Variants in SYN3 observed in about 807,000 individuals in gnomAD.
SYN3 encodes the protein synapsin-3.
A neutral mutation model predicts 65.8 loss-of-function variants in SYN3; 35 were observed. The observed-to-expected ratio is 0.53, with a 90% CI of 0.41 to 0.70. The LOEUF is 0.70. SYN3 is among the 30% of genes least tolerant of loss of function. The pLI is 0.00. For synonymous variants in SYN3, 270 were observed against 292.9 expected (o/e 0.92, Z 0.80); for missense variants, 680 against 749.0 (o/e 0.91, Z 1.08).
At chr22:32,657,312 ACG>A (rs1356806913) in intron 6 of SYN3, among the ~76,000 whole-genome samples, 7 of 151,938 alleles carry the variant, frequency 4.6e-5, no homozygotes, top group Middle Eastern at 6.8e-3. Context: ...TTTAGTAGAG[ACG>A]GGGTTTCACC....
intron 13 of SYN3, among the ~76,000 whole-genome samples, chr22:32,516,825 G>A (rs1035600290): frequency 4.6e-5 from 7 of 152,022 alleles, no homozygotes; most frequent in African/African-American, 9.7e-5. Context: ...TTGCTTACTC[G>A]TCTGTACAAT....
intron 6 of SYN3, among the ~76,000 whole-genome samples, chr22:32,681,703 A>G (rs2060524786): frequency 6.6e-6 from 1 of 152,212 alleles, no homozygotes; most frequent in African/African-American, 2.4e-5. Flanking sequence ...AACACTTCCT[A>G]TGCACCAGGC....
At chr22:32,697,090 A>C (rs1261692276) in intron 6 of SYN3, among the ~76,000 whole-genome samples, 2 of 152,214 alleles carry the variant, frequency 1.3e-5, no homozygotes, top group Non-Finnish European at 2.9e-5. Flanking sequence ...ATGGACATTA[A>C]GTGGGACTAG....
intron 4 of SYN3, among the ~76,000 whole-genome samples, chr22:32,884,046 C>G (rs565160382): frequency 2.2e-4 from 33 of 152,332 alleles, no homozygotes; most frequent in Middle Eastern, 6.8e-3. Flanking sequence ...CTTATTCTTT[C>G]CCCTGCTAGG....
intron 6 of SYN3, among the ~76,000 whole-genome samples, chr22:32,616,119 G>A (rs2059516520): frequency 6.6e-6 from 1 of 152,212 alleles, no homozygotes; most frequent in Admixed American, 6.5e-5. Context: ...AGGAGCCGGA[G>A]TGACAGCACT....
Position 32,653,788 on chromosome 22 carries a change from A to G in SYN3, c.712-57052T>C, listed in dbSNP as rs143853400. Among the ~76,000 whole-genome samples the G allele has an allele frequency of 1.6e-3, 239 of 152,250 alleles. 1 individual carries two copies. The highest frequency in any genetic ancestry group is 5.5e-3 in the African/African-American group (228 of 41,548). On this transcript the variant is annotated intron_variant, in intron 6 of 13. Coordinates refer to ENST00000358763, the MANE Select transcript of SYN3 (RefSeq NM_003490.4). ...TGAGAAAATGGTTCAACTTCTCTGAATCTCAATTTTTAAACTCCACATACA... is the reference window on the plus strand; with the variant it reads ...TGAGAAAATGGTTCAACTTCTCTGAGTCTCAATTTTTAAACTCCACATACA...
intron 5 of SYN3, among the ~76,000 whole-genome samples, chr22:32,867,832 C>T (rs776304687): frequency 1.3e-4 from 20 of 152,292 alleles, no homozygotes; most frequent in South Asian, 4.2e-4. Flanking sequence ...ACACCCGCCT[C>T]GGCCTCCCAA....
chr22:32,804,749 GGAAGTGTTTAGGA>G (rs1208078854), intron 6 of SYN3, among the ~76,000 whole-genome samples: 1 of 152,196 alleles, frequency 6.6e-6, no homozygotes, highest in Non-Finnish European at 1.5e-5. Context: ...TGCACCCTAT[GGAAGTGTTTAGGA>G]GAAGAATAAA....
At chr22:32,864,467 A>G (rs773468273) in intron 6 of SYN3, 9 of 157,532 alleles carry the variant, frequency 5.7e-5, no homozygotes, top group Non-Finnish European at 1.3e-4. Flanking sequence ...TGGAAAGTGA[A>G]GAGGACATGT....
At chr22:32,758,681 C>CATATATATATATATATATATATATATAT (rs71187211) in intron 6 of SYN3, among the ~76,000 whole-genome samples, 329 of 32,802 alleles carry the variant, frequency 0.01, 56 homozygotes, top group South Asian at 0.024. Flanking sequence ...TTACTAAACT[C>CATATATATATATATATATATATATATAT]ATATATATAT....
intron 9 of SYN3, among the ~76,000 whole-genome samples, chr22:32,537,635 C>G (rs895972008): frequency 2.0e-5 from 3 of 152,166 alleles, no homozygotes; most frequent in Non-Finnish European, 2.9e-5. Context: ...TGCCTGGTCT[C>G]CTAATAATGC....
intron 2 of SYN3, among the ~76,000 whole-genome samples, 163 bp from the exon 3 acceptor site, chr22:32,980,865 TTC>T (rs1357089131): frequency 8.4e-4 from 128 of 152,108 alleles, no homozygotes; most frequent in Non-Finnish European, 1.7e-3. Context: ...TTTTTTTTTT[TTC>T]TTTTGAGACG....
chr22:32,690,300 C>A (rs1178277341), intron 6 of SYN3, among the ~76,000 whole-genome samples: 1 of 152,216 alleles, frequency 6.6e-6, no homozygotes, highest in African/African-American at 2.4e-5. Flanking sequence ...AGTGCCTTGA[C>A]CTTGGACTTC....
At chr22:32,899,101 A>AAAACAAAACAAAACAAAACAAAACAAAAC (rs1556003782) in intron 4 of SYN3, among the ~76,000 whole-genome samples, 1 of 147,446 alleles carries the variant, frequency 6.8e-6, no homozygotes, top group South Asian at 2.3e-4. Context: ...ACTCTGTCTC[A>AAAACAAAACAAAACAAAACAAAACAAAAC]AAAACAAAAC....
intron 3 of SYN3, among the ~76,000 whole-genome samples, chr22:32,979,881 C>A (rs1203010604): frequency 6.6e-6 from 1 of 152,114 alleles, no homozygotes; most frequent in African/African-American, 2.4e-5. Flanking sequence ...TGTTAGGATT[C>A]AAACCTGGAG....
At chr22:32,919,234 C>A (rs1363040184) in intron 4 of SYN3, among the ~76,000 whole-genome samples, 1 of 152,200 alleles carries the variant, frequency 6.6e-6, no homozygotes, top group Non-Finnish European at 1.5e-5. Flanking sequence ...CTCTGTTTTC[C>A]TCTCCACTCA....
chr22:32,766,653 C>A (rs559763554), intron 6 of SYN3, among the ~76,000 whole-genome samples: 1 of 152,184 alleles, frequency 6.6e-6, no homozygotes, highest in Non-Finnish European at 1.5e-5. Flanking sequence ...CTCCGTGAGC[C>A]CTTCTACTTT....
chr22:33,030,554 AAT>A (rs1402280824), intron 1 of SYN3, among the ~76,000 whole-genome samples: 21 of 151,944 alleles, frequency 1.4e-4, no homozygotes, highest in Admixed American at 1.4e-3. Flanking sequence ...AAACGGAAAA[AAT>A]ATATAGAGAC....
chr22:32,933,986 C>T (rs892576872), intron 3 of SYN3, among the ~76,000 whole-genome samples: 13 of 152,170 alleles, frequency 8.5e-5, no homozygotes, highest in African/African-American at 3.1e-4. Flanking sequence ...GTACTTACGC[C>T]TCTTGCTGTA....
Sources: gnomAD v4.1 joint callset for allele counts (sites outside exome capture counted in the v4.1 genomes callset) on GRCh38, gnomAD v4.1.1 for gene constraint, MANE v1.5 for transcripts, NCBI Gene and HGNC (gene_info 2026-07-23, HGNC 2026-07-21) for gene names.